Variants in NAV3 observed in about 807,000 individuals in gnomAD.
NAV3 encodes neuron navigator 3, also known as pore membrane and/or filament interacting like protein 1.
In NAV3, 87 loss-of-function variants were observed where a neutral mutation model predicts 244.7. The ratio of observed to expected loss-of-function variants is 0.36; its 90% CI spans 0.30 to 0.42. The LOEUF (loss-of-function observed/expected upper bound fraction) is 0.42. NAV3 is among the 20% of genes least tolerant of loss of function. The pLI, the probability that NAV3 is intolerant of heterozygous loss-of-function variation, is 1.00. For synonymous variants in NAV3, 1,126 were observed against 1,042.2 expected, an observed-to-expected ratio of 1.08 and a Z score of -1.55; for missense variants, 2,663 against 2,893.3, an observed-to-expected ratio of 0.92 and a Z score of 1.83.
At chr12:77,932,872 C>T (rs1227221694) in intron 1 of NAV3, among the ~76,000 whole-genome samples, 1 of 152,118 alleles carries the variant, frequency 6.6e-6, no homozygotes, top group African/African-American at 2.4e-5. Flanking sequence ...CCAAATAGAA[C>T]TATACAAAAT....
rs192497768 is a variant in NAV3 at position 78,044,040 on chromosome 12, C to A, written c.2024-5953C>A. Among the ~76,000 whole-genome samples, 445 of 152,246 alleles carry A rather than the reference C, an allele frequency of 2.9e-3. 1 individual carries two copies. The highest frequency in any genetic ancestry group is 5.8e-3 in the Admixed American group (88 of 15,298). ...TCCTGAATGGTATTGCCTAGGTTTT[C>A]TTCTAGGGTTTTTATGGTTTTAGGT... On this transcript the variant is annotated intron_variant, in intron 9 of 39. Coordinates refer to ENST00000397909, the MANE Select transcript of NAV3 (RefSeq NM_001024383.2).
intron 28 of NAV3, among the ~76,000 whole-genome samples, chr12:78,179,219 C>A (rs1958394032): frequency 6.6e-6 from 1 of 152,028 alleles, no homozygotes; most frequent in South Asian, 2.1e-4. Flanking sequence ...ATGTAGTAAT[C>A]TATGACTTTT....
At chr12:77,709,211 A>G (rs1006214134) in intron 2 of NAV3, among the ~76,000 whole-genome samples, 19 of 152,356 alleles carry the variant, frequency 1.2e-4, no homozygotes, top group Non-Finnish European at 2.6e-4. Flanking sequence ...CCACATGATT[A>G]TCTCAACAGA....
intron 1 of NAV3, among the ~76,000 whole-genome samples, chr12:77,904,582 A>T (rs1029046943): frequency 6.6e-6 from 1 of 152,208 alleles, no homozygotes; most frequent in African/African-American, 2.4e-5. Flanking sequence ...AACATGGCAC[A>T]TGTATACATA....
intron 2 of NAV3, among the ~76,000 whole-genome samples, chr12:77,808,306 C>T (rs1872091854): frequency 6.6e-6 from 1 of 152,126 alleles, no homozygotes; most frequent in African/African-American, 2.4e-5. Flanking sequence ...TCCTGATTTT[C>T]GTGGATTTAT....
Position 77,658,214 on chromosome 12 carries a change from G to A in NAV3, c.72+85948G>A, listed in dbSNP as rs1328913849. On this transcript the variant is annotated intron_variant, in intron 2 of 8. Coordinates refer to the NAV3 transcript ENST00000550042. ...GATTGTATATCTAGAAAACCCCATT[G>A]TCTCAGCCCAAAATCTCCTTAAGCT... Among the ~76,000 whole-genome samples, 5 of 152,004 alleles carry A rather than the reference G, an allele frequency of 3.3e-5. No individual in the cohort carries two copies. In the South Asian group the frequency reaches 1.0e-3, roughly 32 times the overall value.
At chr12:77,864,062 G>T (rs1164386940) in intron 1 of NAV3, among the ~76,000 whole-genome samples, 5 of 151,690 alleles carry the variant, frequency 3.3e-5, no homozygotes, top group Non-Finnish European at 7.4e-5. Flanking sequence ...GCACAGTTTT[G>T]GTACATCACA....
chr12:77,873,349 A>C (rs1387326417), intron 1 of NAV3, among the ~76,000 whole-genome samples: 2 of 152,108 alleles, frequency 1.3e-5, no homozygotes, highest in East Asian at 1.9e-4. Context: ...TAAACAATTG[A>C]TACAGATCTT....
intron 2 of NAV3, among the ~76,000 whole-genome samples, chr12:77,675,795 G>C (rs1253398459): frequency 1.3e-5 from 2 of 152,076 alleles, no homozygotes; most frequent in Non-Finnish European, 2.9e-5. Context: ...TGAGGTCCTG[G>C]GAGGGCCTCA....
intron 1 of NAV3, among the ~76,000 whole-genome samples, chr12:77,909,208 A>AGAT (rs1886320377): frequency 6.6e-6 from 1 of 152,126 alleles, no homozygotes; most frequent in Admixed American, 6.6e-5. Context: ...TGATAATTAA[A>AGAT]GATGATAATT....
chr12:77,574,244 C>G (rs1476748013), intron 2 of NAV3, among the ~76,000 whole-genome samples: 1 of 151,968 alleles, frequency 6.6e-6, no homozygotes, highest in African/African-American at 2.4e-5. Context: ...GTGTGGGCAC[C>G]TAAAAAGTAG....
At chr12:78,117,552 G>A (rs1427208857) in intron 13 of NAV3, among the ~76,000 whole-genome samples, 2 of 148,948 alleles carry the variant, frequency 1.3e-5, no homozygotes, top group African/African-American at 4.9e-5. Context: ...ATATTCAATT[G>A]ATTACAATCT....
intron 2 of NAV3, among the ~76,000 whole-genome samples, chr12:77,750,309 C>T (rs993835311): frequency 3.3e-5 from 5 of 152,052 alleles, no homozygotes; most frequent in African/African-American, 7.2e-5. Flanking sequence ...GCTGAGATCA[C>T]GCCACTGCAC....
chr12:77,871,590 A>G (rs1326798542), intron 1 of NAV3, among the ~76,000 whole-genome samples: 1 of 152,154 alleles, frequency 6.6e-6, no homozygotes, highest in Non-Finnish European at 1.5e-5. Flanking sequence ...TTCTAGCTTT[A>G]TCTATGTCCC....
chr12:77,631,457 T>C (rs1871893757), intron 2 of NAV3, among the ~76,000 whole-genome samples: 1 of 148,632 alleles, frequency 6.7e-6, no homozygotes, highest in Admixed American at 6.6e-5. Flanking sequence ...ATTGGCATTA[T>C]GTTAATCTTT....
At chr12:77,571,973 T>G (rs1205813205) in exon 2 of NAV3, 1 of 152,538 alleles carries the variant, frequency 6.6e-6, no homozygotes, top group East Asian at 1.9e-4. Context: ...AGTCAGCATT[T>G]AAAAACGATA....
intron 12 of NAV3, among the ~76,000 whole-genome samples, chr12:78,098,296 T>C (rs563605711): frequency 6.6e-6 from 1 of 152,050 alleles, no homozygotes. Context: ...TCTTGTTAAA[T>C]GTACACATTT....
intron 1 of NAV3, among the ~76,000 whole-genome samples, chr12:77,870,732 C>T (rs770150): frequency 0.36 from 54,150 of 151,956 alleles, 9,927 homozygotes; most frequent in South Asian, 0.49. Context: ...AGTGGGAAAT[C>T]TGACTAGAAG....
chr12:78,195,619 C>T (rs1301924802), intron 34 of NAV3, among the ~76,000 whole-genome samples: 2 of 151,970 alleles, frequency 1.3e-5, no homozygotes, highest in East Asian at 1.9e-4. Context: ...CTCTTTCCCT[C>T]CTATAGGCCA....
Sources: allele counts gnomAD v4.1 joint callset (sites outside exome capture counted in the v4.1 genomes callset), GRCh38; gene constraint gnomAD v4.1.1; transcripts MANE v1.5; gene names NCBI Gene and HGNC (gene_info 2026-07-23, HGNC 2026-07-21).